Variants in SPIN1 observed in about 807,000 individuals in gnomAD.
The protein encoded by SPIN1 is spindlin-1.
SPIN1 carries 3 observed loss-of-function variants against 26.0 expected under a neutral mutation model. The observed-to-expected ratio is 0.12, with a 90% CI of 0.05 to 0.30. SPIN1 has a LOEUF of 0.30. Ranked by LOEUF, SPIN1 falls within the 10% of genes least tolerant of loss-of-function variation. SPIN1 has a pLI of 1.00. For synonymous variants in SPIN1, 101 were observed against 116.5 expected, an observed-to-expected ratio of 0.87 and a Z score of 0.86; for missense variants, 126 against 333.4, an observed-to-expected ratio of 0.38 and a Z score of 4.84.
At chr9:88,447,256 TTAAG>T (rs1828270454) in intron 2 of SPIN1, among the ~76,000 whole-genome samples, 1 of 152,220 alleles carries the variant, frequency 6.6e-6, no homozygotes, top group African/African-American at 2.4e-5. Context: ...ATTTTGTATT[TTAAG>T]TGTTTTTATT....
At chr9:88,451,328 C>T (rs1229424987) in intron 3 of SPIN1, among the ~76,000 whole-genome samples, 1 of 152,142 alleles carries the variant, frequency 6.6e-6, no homozygotes, top group Non-Finnish European at 1.5e-5. Flanking sequence ...TGAGCAATAG[C>T]ACCTGTCCCC....
At chr9:88,473,014 T>A (rs1041785329) in intron 5 of SPIN1, among the ~76,000 whole-genome samples, 3 of 152,166 alleles carry the variant, frequency 2.0e-5, no homozygotes, top group Non-Finnish European at 4.4e-5. Context: ...TTTCTTTTTT[T>A]AAAAAAATTC....
intron 3 of SPIN1, among the ~76,000 whole-genome samples, chr9:88,457,121 G>T (rs1385944506): frequency 1.1e-4 from 16 of 152,184 alleles, no homozygotes; most frequent in Admixed American, 1.0e-3. Context: ...GCGGGTGGAG[G>T]AGGAGAATAA....
chr9:88,393,577 T>C (rs1011031038), intron 1 of SPIN1, among the ~76,000 whole-genome samples: 7 of 144,620 alleles, frequency 4.8e-5, no homozygotes, highest in African/African-American at 1.3e-4. Flanking sequence ...TGCCTCAGCC[T>C]CCCGAATAGC....
At chr9:88,465,813 G>A (rs1828656672) in intron 4 of SPIN1, among the ~76,000 whole-genome samples, 1 of 152,138 alleles carries the variant, frequency 6.6e-6, no homozygotes, top group African/African-American at 2.4e-5. Flanking sequence ...AGAATTATCT[G>A]AAAGACGATT....
rs140522640 is a variant in SPIN1, at chr9:88,410,161, T to TTGTG, written c.-158-16221_-158-16220insTGTG. On this transcript the variant is annotated intron_variant, in intron 1 of 5. Transcript: ENST00000375859. ...TATTTGATGCTTTCATGCATATATT[T>TTGTG]AGTGTGTGTGTGTGTGTGTGTGTGT... Among the ~76,000 whole-genome samples the TTGTG allele has an allele frequency of 1.7e-3, 190 of 113,618 alleles. No individual in the cohort carries two copies. The Middle Eastern group carries it at 0.017, about 10-fold the overall frequency. 74.5% of individuals were successfully genotyped at this position (113,618 alleles called of 152,430 possible).
chr9:88,436,879 C>T (rs1486131558), intron 2 of SPIN1, among the ~76,000 whole-genome samples: 9 of 150,092 alleles, frequency 6.0e-5, no homozygotes, highest in Admixed American at 6.0e-4. Context: ...ATTCTCCTGC[C>T]TCAGCCTCCC....
intron 1 of SPIN1, among the ~76,000 whole-genome samples, chr9:88,403,252 A>G (rs541695062): frequency 3.9e-5 from 6 of 152,222 alleles, no homozygotes; most frequent in Admixed American, 2.0e-4. Context: ...TCACTCTGTC[A>G]TTTGTTTCCT....
intron 3 of SPIN1, among the ~76,000 whole-genome samples, chr9:88,450,998 A>G (rs140356526): frequency 0.012 from 1,770 of 152,230 alleles, 37 homozygotes; most frequent in African/African-American, 0.04. Context: ...TCCTTAATGT[A>G]TCTAAGGTTG....
chr9:88,466,773 C>T (rs76278487), intron 4 of SPIN1, among the ~76,000 whole-genome samples: 4,024 of 151,956 alleles, frequency 0.026, 176 homozygotes, highest in African/African-American at 0.092. Flanking sequence ...GCCTCACTCC[C>T]GTAGCCCAGG....
chr9:88,449,841 TC>T (rs1281866222), intron 3 of SPIN1, among the ~76,000 whole-genome samples: 1 of 151,976 alleles, frequency 6.6e-6, no homozygotes, highest in Non-Finnish European at 1.5e-5. Flanking sequence ...AGAAACATTT[TC>T]CCCCAAAATA....
At chr9:88,431,900 G>A (rs1321190975) in intron 2 of SPIN1, among the ~76,000 whole-genome samples, 1 of 152,018 alleles carries the variant, frequency 6.6e-6, no homozygotes, top group African/African-American at 2.4e-5. Flanking sequence ...AATTAGCTGG[G>A]TGTGATGGTG....
At chr9:88,422,889 TAG>T (rs1827697717) in intron 1 of SPIN1, among the ~76,000 whole-genome samples, 1 of 152,106 alleles carries the variant, frequency 6.6e-6, no homozygotes, top group African/African-American at 2.4e-5. Flanking sequence ...TTTGTATTTT[TAG>T]AGGAGACCGA....
At chr9:88,425,797 G>A (rs939737953) in intron 1 of SPIN1, among the ~76,000 whole-genome samples, 1 of 152,136 alleles carries the variant, frequency 6.6e-6, no homozygotes, top group Admixed American at 6.5e-5. Flanking sequence ...GGAAGCTTGT[G>A]AGCAGAAAGG....
chr9:88,389,552 G>A (rs979968557), intron 1 of SPIN1: 2 of 152,164 alleles, frequency 1.3e-5, no homozygotes, highest in African/African-American at 2.4e-5. Context: ...TCCGTACGTG[G>A]TGGAAGTGTT....
intron 1 of SPIN1, among the ~76,000 whole-genome samples, chr9:88,421,131 C>G (rs979834197): frequency 1.3e-5 from 2 of 151,166 alleles, no homozygotes; most frequent in South Asian, 2.1e-4. Flanking sequence ...AGTTAACTTA[C>G]AGAAATTGTG....
chr9:88,459,564 C>T lies in SPIN1; in HGVS notation c.102-2932C>T, dbSNP rs1354241018. Reference sequence around the variant, plus strand: ...TTTTTTGATCTAAGTTTATAAGACACTCACTATACTTACTCTGCTTTGCAT... The same window carrying T: ...TTTTTTGATCTAAGTTTATAAGACATTCACTATACTTACTCTGCTTTGCAT... On this transcript the variant is annotated intron_variant, in intron 3 of 5. Coordinates refer to ENST00000375859, the MANE Select transcript of SPIN1 (RefSeq NM_006717.3). Among the ~76,000 whole-genome samples the T allele has an allele frequency of 5.9e-5, 9 of 151,958 alleles. 1 individual carries two copies. The highest frequency in any genetic ancestry group is 5.9e-4 in the Admixed American group (9 of 15,258).
chr9:88,394,877 T>A (rs2117871940), intron 1 of SPIN1, among the ~76,000 whole-genome samples: 1 of 150,124 alleles, frequency 6.7e-6, no homozygotes, highest in South Asian at 2.1e-4. Context: ...TGGTGCGATC[T>A]CGGCTCACTG....
At position 88,478,389 on chromosome 9, in the gene SPIN1, A is replaced by C. The variant is rs1455961988; in HGVS notation, c.*3112A>C. 1 of 152,628 alleles carries C rather than the reference A, an allele frequency of 6.6e-6. No homozygotes were observed. Among genetic ancestry groups the C allele is most frequent in the Non-Finnish European group, 1.5e-5 (1 of 68,028 alleles). 9.5% of individuals were successfully genotyped at this position (152,628 alleles called of 1,614,324 possible). A position where few individuals can be genotyped will look rare whatever the true frequency, so the allele number is the denominator to read the frequency against. The stretch of plus-strand genomic sequence containing the variant: ...TTATAACAAAATAATTATGGTTGAA[A>C]TGTCTGTGGTTCCTTGGAAATGCTG... On this transcript the variant is annotated 3_prime_UTR_variant, in exon 6 of 6. Transcript: ENST00000375859.
Sources: allele counts gnomAD v4.1 joint callset (sites outside exome capture counted in the v4.1 genomes callset), GRCh38; gene constraint gnomAD v4.1.1; transcripts MANE v1.5; gene names NCBI Gene and HGNC (gene_info 2026-07-23, HGNC 2026-07-21).